MCOLN2: variants seen among roughly 807,000 people sequenced by gnomAD.
MCOLN2 encodes the protein mucolipin-2.
Under a neutral mutation model 67.5 loss-of-function variants are expected in MCOLN2, and 57 were observed. The observed-to-expected ratio is 0.84, with a 90% CI of 0.68 to 1.05. The LOEUF (loss-of-function observed/expected upper bound fraction) is 1.05, where lower values mean the gene tolerates loss of function less well. Among genes scored for constraint, MCOLN2 ranks in the 50% least tolerant of loss-of-function variants. The pLI is 0.00. For missense variants in MCOLN2, 620 were observed against 678.8 expected (o/e 0.91, Z 0.96); for synonymous variants, 246 against 233.3 (o/e 1.05, Z -0.50).
intron 1 of MCOLN2, among the ~76,000 whole-genome samples, chr1:84,987,482 A>ATATG (rs1263311440): frequency 1.7e-4 from 3 of 17,696 alleles, no homozygotes; most frequent in South Asian, 5.3e-3. Flanking sequence ...ATATATATAC[A>ATATG]TATATACATA....
intron 1 of MCOLN2, among the ~76,000 whole-genome samples, chr1:84,995,899 G>A (rs907248635): frequency 1.3e-5 from 2 of 152,018 alleles, no homozygotes; most frequent in African/African-American, 4.8e-5. Context: ...TTTATTACAG[G>A]AGGTTAAATA....
At position 84,985,155 on chromosome 1, in the gene MCOLN2, C is replaced by A. The variant is rs758355584; in HGVS notation, c.77+11641G>T. Among the ~76,000 whole-genome samples, 336 of 151,912 alleles carry A rather than the reference C, an allele frequency of 2.2e-3. 1 individual carries two copies. Among genetic ancestry groups the A allele is most frequent in the Non-Finnish European group, 4.0e-3 (273 of 67,976 alleles). On this transcript the variant is annotated intron_variant, in intron 1 of 13. Coordinates refer to ENST00000370608, the MANE Select transcript of MCOLN2 (RefSeq NM_153259.4). The stretch of plus-strand genomic sequence containing the variant: ...CGAACCCAGCATTTACCTCCTCAAG[C>A]TGACTTTGTGGTACAGATTCTCTAG...
At chr1:84,966,795 G>T (rs1439597173) in intron 1 of MCOLN2, among the ~76,000 whole-genome samples, 1 of 152,096 alleles carries the variant, frequency 6.6e-6, no homozygotes, top group Non-Finnish European at 1.5e-5. Context: ...ATGGTTCACA[G>T]GACTGTTATT....
chr1:84,976,076 C>T (rs1403035396), intron 1 of MCOLN2, among the ~76,000 whole-genome samples: 1 of 151,774 alleles, frequency 6.6e-6, no homozygotes, highest in Non-Finnish European at 1.5e-5. Context: ...GAGTAATTTG[C>T]CTTAAGAAGG....
At chr1:84,970,597 A>AGCTTGAT (rs1557655848) in intron 1 of MCOLN2, among the ~76,000 whole-genome samples, 1 of 151,986 alleles carries the variant, frequency 6.6e-6, no homozygotes, top group Non-Finnish European at 1.5e-5. Flanking sequence ...ACACGAGAAT[A>AGCTTGAT]GCTTGATCTC....
chr1:84,929,814 C>A, intron 12 of MCOLN2, 135 bp from the exon 13 acceptor site: 1 of 731,438 alleles, frequency 1.4e-6, no homozygotes, highest in Non-Finnish European at 2.1e-6. Flanking sequence ...CTGATATTTA[C>A]AATGATGAAT....
chr1:84,935,197 T>G (rs779355746), intron 11 of MCOLN2, among the ~76,000 whole-genome samples: 11 of 152,170 alleles, frequency 7.2e-5, no homozygotes, highest in Admixed American at 3.9e-4. Context: ...TAACTTCAGA[T>G]TCAAAGAGGC....
intron 10 of MCOLN2, 28 bp downstream of exon 10, chr1:84,937,953 G>C (rs1453645063): frequency 1.2e-6 from 2 of 1,612,766 alleles, no homozygotes; most frequent in Admixed American, 1.7e-5. Context: ...CTCAACTGCA[G>C]TGGCACTACC....
intron 1 of MCOLN2, among the ~76,000 whole-genome samples, chr1:84,987,503 G>C (rs377457074): frequency 1.5e-4 from 3 of 20,004 alleles, no homozygotes; most frequent in South Asian, 4.7e-3. Flanking sequence ...TGTATACATA[G>C]ATGTATACAT....
chr1:84,964,694 C>T (rs1054918491), intron 2 of MCOLN2, among the ~76,000 whole-genome samples: 1 of 152,092 alleles, frequency 6.6e-6, no homozygotes, highest in African/African-American at 2.4e-5. Flanking sequence ...TAGAAGGTCC[C>T]ATCTAGGGGT....
At chr1:84,941,400 G>A (rs950664491) in intron 7 of MCOLN2, among the ~76,000 whole-genome samples, 1 of 152,208 alleles carries the variant, frequency 6.6e-6, no homozygotes, top group African/African-American at 2.4e-5. Flanking sequence ...GGGAGGCTGA[G>A]GCAGAAGAAT....
chr1:84,987,545 G>GAT (rs1650638757), intron 1 of MCOLN2, among the ~76,000 whole-genome samples: 2 of 15,458 alleles, frequency 1.3e-4, no homozygotes, highest in African/African-American at 4.6e-4. Context: ...TGTATACATA[G>GAT]ATGTATACAT....
At chr1:84,957,654 G>GC (rs1323502459) in intron 3 of MCOLN2, among the ~76,000 whole-genome samples, 2 of 152,062 alleles carry the variant, frequency 1.3e-5, no homozygotes, top group African/African-American at 4.8e-5. Context: ...AGGCAAGATG[G>GC]CCTCTGATCA....
At chr1:84,949,606 A>C (rs1402771786) in intron 6 of MCOLN2, among the ~76,000 whole-genome samples, 4 of 151,924 alleles carry the variant, frequency 2.6e-5, no homozygotes, top group African/African-American at 9.7e-5. Context: ...GTGCCACTGC[A>C]TGCACTCCAG....
chr1:84,935,434 A>G (rs1434376224), intron 11 of MCOLN2, among the ~76,000 whole-genome samples: 4 of 152,182 alleles, frequency 2.6e-5, no homozygotes, highest in Non-Finnish European at 5.9e-5. Context: ...ACATAAGTCT[A>G]GAGCTGCAAT....
At chr1:84,960,070 T>C (rs937298010) in intron 2 of MCOLN2, among the ~76,000 whole-genome samples, 2 of 152,208 alleles carry the variant, frequency 1.3e-5, no homozygotes, top group Non-Finnish European at 2.9e-5. Context: ...TTAATTTGCA[T>C]ATGCAAACAA....
In MCOLN2 at chr1:84,965,618, G is replaced by A. The variant is rs148979230; in HGVS notation, c.168C>T (p.Tyr56=). Reference sequence around the variant, plus strand: ...TCCACGGAATCTGGCGTCTGGCTCGGTATTTTTCACAAGGGCTCATGAAGT... The same window carrying A: ...TCCACGGAATCTGGCGTCTGGCTCGATATTTTTCACAAGGGCTCATGAAGT... ...KFYFMSPCEK[Y]RARRQIPWKL... is the part of the protein sequence containing the mutation. The change falls in exon 2 of 14, where the codon TAC becomes TAT. Residue 56 remains tyrosine, a synonymous_variant. Transcript: ENST00000370608. 3 of 1,613,918 alleles carry A rather than the reference G, an allele frequency of 1.9e-6. No individual in the cohort carries two copies. The African/African-American group carries it at 4.0e-5, about 22-fold the overall frequency.
intron 7 of MCOLN2, among the ~76,000 whole-genome samples, chr1:84,943,448 G>A (rs912513471): frequency 6.6e-6 from 1 of 152,048 alleles, no homozygotes; most frequent in Admixed American, 6.5e-5. Context: ...AAGGAGATGA[G>A]CTCAGGAATG....
At chr1:84,994,002 A>G (rs1355577834) in intron 1 of MCOLN2, among the ~76,000 whole-genome samples, 1 of 152,254 alleles carries the variant, frequency 6.6e-6, no homozygotes, top group South Asian at 2.1e-4. Flanking sequence ...GTTAACATAT[A>G]TGAAAACAAC....
Sources: allele counts gnomAD v4.1 joint callset (sites outside exome capture counted in the v4.1 genomes callset), GRCh38; gene constraint gnomAD v4.1.1; transcripts MANE v1.5; gene names NCBI Gene and HGNC (gene_info 2026-07-23, HGNC 2026-07-21).